Variants in MCTP1 observed in about 807,000 individuals in gnomAD.
MCTP1 encodes multiple C2 and transmembrane domain-containing protein 1.
A neutral mutation model predicts 120.6 loss-of-function variants in MCTP1; 69 were observed. The observed-to-expected ratio is 0.57, with a 90% confidence interval of 0.47 to 0.70. The LOEUF (loss-of-function observed/expected upper bound fraction) is 0.70, where lower values mean the gene tolerates loss of function less well. MCTP1 is among the 30% of genes least tolerant of loss of function. The pLI is 0.00. For missense variants in MCTP1, 1,203 were observed against 1,248.8 expected, an observed-to-expected ratio of 0.96 and a Z score of 0.55; for synonymous variants, 529 against 493.1, an observed-to-expected ratio of 1.07 and a Z score of -0.96.
chr5:94,960,720 A>G (rs1823918347), intron 2 of MCTP1, among the ~76,000 whole-genome samples: 2 of 152,356 alleles, frequency 1.3e-5, no homozygotes, highest in African/African-American at 2.4e-5. Flanking sequence ...AACCCCAATG[A>G]CACACCATGT....
At chr5:95,178,624 G>C (rs1018794724) in intron 1 of MCTP1, among the ~76,000 whole-genome samples, 3 of 152,136 alleles carry the variant, frequency 2.0e-5, no homozygotes, top group Non-Finnish European at 4.4e-5. Context: ...TAGGGGAAGG[G>C]GGAGAACACC....
At chr5:95,004,010 T>G (rs1038252684) in intron 2 of MCTP1, among the ~76,000 whole-genome samples, 2 of 152,154 alleles carry the variant, frequency 1.3e-5, no homozygotes, top group Non-Finnish European at 1.5e-5. Flanking sequence ...CAAATGCTGA[T>G]AGTGACAAGA....
At chr5:94,887,862 C>G (rs1222283970) in intron 12 of MCTP1, among the ~76,000 whole-genome samples, 1 of 152,142 alleles carries the variant, frequency 6.6e-6, no homozygotes, top group Non-Finnish European at 1.5e-5. Context: ...CATTTGAAGG[C>G]ATGTTACCTT....
chr5:95,220,899 G>T (rs1200557642), intron 1 of MCTP1, among the ~76,000 whole-genome samples: 2 of 152,160 alleles, frequency 1.3e-5, no homozygotes, highest in Non-Finnish European at 1.5e-5. Context: ...TTTAGAAAAG[G>T]CAGTAAATAG....
At chr5:94,803,227 A>G (rs769976604) in intron 17 of MCTP1, among the ~76,000 whole-genome samples, 26 of 152,184 alleles carry the variant, frequency 1.7e-4, no homozygotes, top group Admixed American at 7.2e-4. Flanking sequence ...ATACCAGAAA[A>G]TCTTCAGGGG....
chr5:95,130,988 T>G (rs923787385), intron 1 of MCTP1, among the ~76,000 whole-genome samples: 14 of 152,204 alleles, frequency 9.2e-5, no homozygotes, highest in Non-Finnish European at 4.4e-5. Context: ...GTTTTGGTTT[T>G]GTTTTGTTTT....
intron 22 of MCTP1, 49 bp downstream of exon 22, chr5:94,708,463 G>A (rs776825204): frequency 3.1e-5 from 36 of 1,146,742 alleles, no homozygotes; most frequent in Admixed American, 1.3e-4. Flanking sequence ...AAAACCCCAT[G>A]CCACACTACA....
chr5:95,079,485 T>C (rs1754393531), intron 1 of MCTP1, among the ~76,000 whole-genome samples: 1 of 152,174 alleles, frequency 6.6e-6, no homozygotes, highest in Non-Finnish European at 1.5e-5. Context: ...ACTGCATTTA[T>C]ATTTAGCAAA....
intron 1 of MCTP1, among the ~76,000 whole-genome samples, chr5:95,212,802 A>C (rs1276910566): frequency 3.3e-5 from 5 of 152,202 alleles, no homozygotes; most frequent in African/African-American, 1.2e-4. Flanking sequence ...GGCCTTTGAA[A>C]AAATTCAACA....
At chr5:94,888,409 T>C (rs1801799910) in intron 12 of MCTP1, among the ~76,000 whole-genome samples, 1 of 152,204 alleles carries the variant, frequency 6.6e-6, no homozygotes, top group South Asian at 2.1e-4. Flanking sequence ...CCAGGGAATT[T>C]GGGTGACTAA....
At chr5:94,953,594 G>A (rs1414976606) in intron 2 of MCTP1, among the ~76,000 whole-genome samples, 2 of 150,614 alleles carry the variant, frequency 1.3e-5, no homozygotes, top group Admixed American at 1.3e-4. Flanking sequence ...CCTTGTCCTG[G>A]CAGTTAAAAA....
At chr5:95,079,028 C>T (rs975597065) in intron 1 of MCTP1, among the ~76,000 whole-genome samples, 2 of 152,086 alleles carry the variant, frequency 1.3e-5, no homozygotes, top group East Asian at 3.9e-4. Context: ...CGAATAAATA[C>T]TACTAATCCT....
At chr5:94,966,509 T>C (rs1208486070) in intron 2 of MCTP1, among the ~76,000 whole-genome samples, 1 of 152,138 alleles carries the variant, frequency 6.6e-6, no homozygotes, top group Non-Finnish European at 1.5e-5. Flanking sequence ...AATAAGGATG[T>C]GGCTGGCCGG....
intron 1 of MCTP1, among the ~76,000 whole-genome samples, chr5:95,028,507 T>C (rs553257779): frequency 1.3e-5 from 2 of 152,300 alleles, no homozygotes; most frequent in East Asian, 3.9e-4. Context: ...CAGAATGTCT[T>C]TTCTGGGACT....
Position 94,931,950 on chromosome 5 carries a change from T to G in MCTP1, c.1212+3A>C. 1 of 1,600,548 alleles carries G rather than the reference T, an allele frequency of 6.2e-7. No individual in the cohort carries two copies. The highest frequency in any genetic ancestry group is 8.5e-7 in the Non-Finnish European group (1 of 1,170,152). On this transcript the variant is annotated splice_donor_region_variant and intron_variant, in intron 6 of 22. Coordinates refer to ENST00000515393, the MANE Select transcript of MCTP1 (RefSeq NM_024717.7). ...AGCTGAAAGATCACAAGCTAAGAAT[T>G]ACCTTACTTGATCTTTTCCAACTCT...
chr5:94,932,049 C>T, intron 5 of MCTP1, 58 bp from the exon 6 acceptor site: 2 of 1,237,764 alleles, frequency 1.6e-6, no homozygotes, highest in Non-Finnish European at 2.3e-6. Context: ...AATAGGGCAG[C>T]CAGTTGTTTT....
intron 1 of MCTP1, among the ~76,000 whole-genome samples, chr5:95,094,768 A>G (rs1307466089): frequency 1.3e-5 from 2 of 152,152 alleles, no homozygotes; most frequent in Non-Finnish European, 2.9e-5. Flanking sequence ...ATAAAATAAC[A>G]AGCAATTCTC....
chr5:94,807,169 C>A (rs1782520781), intron 17 of MCTP1, among the ~76,000 whole-genome samples: 2 of 152,098 alleles, frequency 1.3e-5, no homozygotes, highest in South Asian at 4.1e-4. Context: ...TCTGGAAGGA[C>A]TTTTTTGGGT....
chr5:94,886,823 T>G (rs1035609356), intron 12 of MCTP1, among the ~76,000 whole-genome samples: 1 of 152,222 alleles, frequency 6.6e-6, no homozygotes, highest in African/African-American at 2.4e-5. Context: ...AACTTACTTG[T>G]GTCCCAAATT....
Sources: allele counts gnomAD v4.1 joint callset (sites outside exome capture counted in the v4.1 genomes callset), GRCh38; gene constraint gnomAD v4.1.1; transcripts MANE v1.5; gene names NCBI Gene and HGNC (gene_info 2026-07-23, HGNC 2026-07-21).